DLG2: variants seen among roughly 807,000 people sequenced by gnomAD.
The protein encoded by DLG2 is discs large MAGUK scaffold protein 2, also known as disks large homolog 2.
DLG2 carries 45 observed loss-of-function variants against 132.5 expected under a neutral mutation model. That is an observed-to-expected ratio of 0.34 (90% CI 0.27 to 0.44). DLG2 has a LOEUF of 0.44. Ranked by LOEUF, DLG2 falls within the 20% of genes least tolerant of loss-of-function variation. The pLI is 1.00. For synonymous variants in DLG2, 424 were observed against 419.6 expected (o/e 1.01, Z -0.13); for missense variants, 1,045 against 1,196.9 (o/e 0.87, Z 1.87).
chr11:84,445,787 GCGCC>G (rs2099032218), intron 7 of DLG2, among the ~76,000 whole-genome samples: 1 of 151,668 alleles, frequency 6.6e-6, no homozygotes, highest in Non-Finnish European at 1.5e-5. Flanking sequence ...GTGGTAGCGG[GCGCC>G]TGTAGTCCCA....
intron 6 of DLG2, among the ~76,000 whole-genome samples, chr11:84,731,322 G>A (rs888647777): frequency 6.6e-6 from 1 of 151,990 alleles, no homozygotes; most frequent in African/African-American, 2.4e-5. Flanking sequence ...GGATACAGTG[G>A]TTAAGTACAG....
chr11:84,759,887 G>T (rs1372203663), intron 6 of DLG2, among the ~76,000 whole-genome samples: 3 of 151,370 alleles, frequency 2.0e-5, no homozygotes, highest in Non-Finnish European at 4.4e-5. Context: ...TTCCAAAATT[G>T]TCTTGTAGTA....
At chr11:83,772,755 A>C (rs1051667217) in intron 18 of DLG2, among the ~76,000 whole-genome samples, 30 of 152,168 alleles carry the variant, frequency 2.0e-4, no homozygotes, top group African/African-American at 7.0e-4. Context: ...GCCATTACAC[A>C]TTCTCCTGTT....
intron 22 of DLG2, chr11:83,480,544 A>G: frequency 6.5e-7 from 1 of 1,530,174 alleles, no homozygotes; most frequent in South Asian, 1.2e-5. Flanking sequence ...AGGAGGCTGC[A>G]TTAAGAAAAC....
chr11:83,531,992 G>A (rs181997457), intron 21 of DLG2, among the ~76,000 whole-genome samples: 98 of 151,656 alleles, frequency 6.5e-4, no homozygotes, highest in Non-Finnish European at 1.2e-3. Context: ...GTTGGGGTGG[G>A]AGGGTGGGGA....
intron 6 of DLG2, among the ~76,000 whole-genome samples, chr11:84,791,584 T>G (rs1181633668): frequency 2.0e-5 from 3 of 152,208 alleles, no homozygotes; most frequent in Non-Finnish European, 4.4e-5. Context: ...ATGGAATATC[T>G]TTTTATGTTT....
intron 6 of DLG2, among the ~76,000 whole-genome samples, chr11:84,633,303 A>T (rs752794035): frequency 6.6e-6 from 1 of 152,072 alleles, no homozygotes; most frequent in Non-Finnish European, 1.5e-5. Flanking sequence ...TTTTTCCTGG[A>T]CATTTCATTT....
chr11:84,060,326 A>G (rs7952171), intron 10 of DLG2, among the ~76,000 whole-genome samples: 120,833 of 152,020 alleles, frequency 0.79, 49,256 homozygotes, highest in Middle Eastern at 0.92. Context: ...AAAGAAAATA[A>G]TAATAATAAT....
chr11:83,633,415 G>T, intron 18 of DLG2, 90 bp from the exon 19 acceptor site: 1 of 1,035,878 alleles, frequency 9.7e-7, no homozygotes, highest in African/African-American at 1.6e-5. Flanking sequence ...CACCCACGTT[G>T]TTGGTTCCTT....
chr11:84,908,422 C>T (rs998678799), intron 6 of DLG2, among the ~76,000 whole-genome samples: 6 of 152,076 alleles, frequency 3.9e-5, no homozygotes, highest in Non-Finnish European at 7.4e-5. Flanking sequence ...TGTGTCCAGT[C>T]GTTACTCTAT....
intron 3 of DLG2, among the ~76,000 whole-genome samples, chr11:85,292,091 C>T (rs1166955952): frequency 1.3e-5 from 2 of 152,262 alleles, no homozygotes; most frequent in East Asian, 1.9e-4. Context: ...TTTCTGAACA[C>T]TTGGTTCTGC....
intron 11 of DLG2, among the ~76,000 whole-genome samples, chr11:84,006,556 G>A (rs147034765): frequency 1.2e-4 from 18 of 146,800 alleles, no homozygotes; most frequent in Admixed American, 2.0e-4. Context: ...AAGTATTTAC[G>A]ATAAATACTT....
intron 6 of DLG2, chr11:84,887,423 T>C (rs1159882915): frequency 6.6e-6 from 1 of 152,118 alleles, no homozygotes; most frequent in East Asian, 1.9e-4. Context: ...CATCTGGTTA[T>C]AGTCAGAGTG....
At chr11:85,321,349 GT>G (rs1303459247) in intron 3 of DLG2, among the ~76,000 whole-genome samples, 3 of 152,100 alleles carry the variant, frequency 2.0e-5, no homozygotes, top group Non-Finnish European at 4.4e-5. Context: ...GTATTCCAAG[GT>G]GAATATTGAG....
At chr11:84,751,004 A>G (rs573925916) in intron 6 of DLG2, among the ~76,000 whole-genome samples, 190 of 152,294 alleles carry the variant, frequency 1.2e-3, no homozygotes, top group African/African-American at 4.4e-3. Flanking sequence ...GTTATTGGCA[A>G]TGTATTTAAC....
intron 24 of DLG2, among the ~76,000 whole-genome samples, chr11:83,470,109 T>A (rs959997168): frequency 6.6e-6 from 1 of 152,044 alleles, no homozygotes; most frequent in African/African-American, 2.4e-5. Flanking sequence ...CAGATACAGA[T>A]TTATCCTTAA....
chr11:84,925,250 A>G (rs1402606472), intron 6 of DLG2, among the ~76,000 whole-genome samples: 1 of 152,190 alleles, frequency 6.6e-6, no homozygotes, highest in African/African-American at 2.4e-5. Flanking sequence ...TACAAATCTC[A>G]GAACAGCTCG....
At chr11:84,004,947 C>CAAAAAAA (rs56323323) in intron 11 of DLG2, among the ~76,000 whole-genome samples, 2 of 138,076 alleles carry the variant, frequency 1.4e-5, no homozygotes, top group African/African-American at 2.7e-5. Context: ...TATATAGAAT[C>CAAAAAAA]AAAAAAAAAA....
chr11:84,651,222 G>A (rs948170992), intron 6 of DLG2, among the ~76,000 whole-genome samples: 2 of 151,728 alleles, frequency 1.3e-5, no homozygotes, highest in Admixed American at 1.3e-4. Flanking sequence ...TAAACACTGG[G>A]TTTTCTCAGG....
Sources: allele counts gnomAD v4.1 joint callset (sites outside exome capture counted in the v4.1 genomes callset), GRCh38; gene constraint gnomAD v4.1.1; transcripts MANE v1.5; gene names NCBI Gene and HGNC (gene_info 2026-07-23, HGNC 2026-07-21).